The following SLCO6A1 variants were observed in gnomAD, a reference collection of about 807,000 sequenced individuals.
SLCO6A1 encodes solute carrier organic anion transporter family member 6A1, also known as cancer/testis antigen 48.
Under a neutral mutation model 72.7 loss-of-function variants are expected in SLCO6A1, and 65 were observed. The observed-to-expected ratio is 0.89, with a 90% CI of 0.73 to 1.10. SLCO6A1 has a LOEUF of 1.10. Among genes scored for constraint, SLCO6A1 ranks in the 50% least tolerant of loss-of-function variants. SLCO6A1 has a pLI of 0.00. For synonymous variants in SLCO6A1, 314 were observed against 298.2 expected (o/e 1.05, Z -0.55); for missense variants, 874 against 872.6 (o/e 1.00, Z -0.02).
At chr5:102,423,677 C>T (rs1436823318) in intron 7 of SLCO6A1, among the ~76,000 whole-genome samples, 2 of 152,014 alleles carry the variant, frequency 1.3e-5, no homozygotes, top group Non-Finnish European at 2.9e-5. Flanking sequence ...AATAGTGGGA[C>T]ACTTTAACAC....
chr5:102,433,864 A>G (rs1749355376), intron 7 of SLCO6A1, among the ~76,000 whole-genome samples: 1 of 152,112 alleles, frequency 6.6e-6, no homozygotes, highest in African/African-American at 2.4e-5. Context: ...AGGAAAAAAG[A>G]CATTCCAGCT....
At chr5:102,460,313 T>C (rs1750959008) in intron 4 of SLCO6A1, among the ~76,000 whole-genome samples, 1 of 152,154 alleles carries the variant, frequency 6.6e-6, no homozygotes, top group Non-Finnish European at 1.5e-5. Context: ...CTAGTTATTA[T>C]TCCAAATCAC....
At chr5:102,465,361 G>A (rs754081298) in intron 4 of SLCO6A1, among the ~76,000 whole-genome samples, 3 of 151,766 alleles carry the variant, frequency 2.0e-5, no homozygotes, top group East Asian at 1.9e-4. Flanking sequence ...TACACTGTCC[G>A]CCAGAGTTCT....
At chr5:102,414,814 G>A (rs1336785458) in intron 8 of SLCO6A1, among the ~76,000 whole-genome samples, 4 of 152,232 alleles carry the variant, frequency 2.6e-5, no homozygotes, top group Non-Finnish European at 5.9e-5. Flanking sequence ...AGAATTGCTT[G>A]AACCAGGGAA....
intron 3 of SLCO6A1, among the ~76,000 whole-genome samples, chr5:102,476,831 C>T (rs1751924497): frequency 6.6e-6 from 1 of 151,990 alleles, no homozygotes; most frequent in South Asian, 2.1e-4. Flanking sequence ...TGTGTCAATA[C>T]ACCTTCGCAA....
rs1249019676 is a variant in SLCO6A1 at position 102,443,026 on chromosome 5, T to C, written c.1132-4265A>G. 4.6e-5 allele frequency among the ~76,000 whole-genome samples: 7 copies of C among 152,096 alleles called. No individual in the cohort carries two copies. The East Asian group carries it at 1.4e-3, about 29-fold the overall frequency. On this transcript the variant is annotated intron_variant, in intron 6 of 13. Transcript: ENST00000506729. ...TTCTGGCTAACATGGTGAAACCCTA[T>C]CTCTACTAAAAACACAAAAAATTAG...
rs753944769 is a variant in SLCO6A1 at position 102,458,442 on chromosome 5, G to C, written c.1071C>G (p.Asp357Glu). The C allele has an allele frequency of 1.2e-6, 2 of 1,612,876 alleles. No individual in the cohort carries two copies. Among genetic ancestry groups the C allele is most frequent in the Non-Finnish European group, 1.7e-6 (2 of 1,179,400 alleles). The stretch of plus-strand genomic sequence containing the variant: ...CAAGTTTCAGATCTTTAAGTCTGCT[G>C]TCAAAAAAATGAAGCTGTTTACGTT... Reference protein sequence around the residue: ...ARKRKQLHFFDSRLKDLKLGT... With the variant: ...ARKRKQLHFFESRLKDLKLGT... The change falls in exon 6 of 14, where the codon GAC (aspartate) becomes GAG (glutamate). Residue 357 changes from aspartate (D) to glutamate (E), a missense_variant. Transcript: ENST00000506729.
chr5:102,459,630 T>C, intron 5 of SLCO6A1, 26 bp downstream of exon 5: 1 of 1,564,078 alleles, frequency 6.4e-7, no homozygotes, highest in Non-Finnish European at 8.6e-7. Context: ...TATCCTCCAA[T>C]TTAATAAATT....
At chr5:102,457,221 G>T (rs1750770454) in intron 6 of SLCO6A1, among the ~76,000 whole-genome samples, 1 of 152,120 alleles carries the variant, frequency 6.6e-6, no homozygotes, top group Non-Finnish European at 1.5e-5. Context: ...AGCACGAAAA[G>T]CAATGGCAAC....
At chr5:102,495,362 G>A (rs934012685) in intron 1 of SLCO6A1, among the ~76,000 whole-genome samples, 30 of 152,190 alleles carry the variant, frequency 2.0e-4, no homozygotes, top group African/African-American at 6.0e-4. Context: ...GGGAGGCCGC[G>A]GTGGGCGGAT....
rs188872526 is a variant in SLCO6A1, at chr5:102,493,105, A to G, written c.358+5382T>C. Among the ~76,000 whole-genome samples the G allele has an allele frequency of 1.9e-3, 290 of 152,342 alleles. 3 individuals carry two copies. Among genetic ancestry groups the G allele is most frequent in the African/African-American group, 6.7e-3 (280 of 41,582 alleles). On this transcript the variant is annotated intron_variant, in intron 1 of 13. Coordinates refer to ENST00000506729, the MANE Select transcript of SLCO6A1 (RefSeq NM_173488.5). ...CACAAAGGGTACATAATGCTGCACA[A>G]ACTCTTTCAGAAAAAATGAGGAGGA... is the stretch of plus-strand genomic sequence containing the variant.
intron 4 of SLCO6A1, among the ~76,000 whole-genome samples, chr5:102,470,901 G>A (rs1351173313): frequency 6.6e-6 from 1 of 152,026 alleles, no homozygotes; most frequent in Non-Finnish European, 1.5e-5. Flanking sequence ...AAGGTCCTTG[G>A]TTGTAGTTTT....
rs564734627 is a variant in SLCO6A1, at chr5:102,374,244, G to A, written c.2018-750C>T. ...CTCTCTCAAACTTGTGAGCTCAGGC[G>A]ATCTCCTTGCCTTCAAATCCCAAAG... is the stretch of plus-strand genomic sequence containing the variant. On this transcript the variant is annotated intron_variant, in intron 12 of 13. Transcript: ENST00000506729. Among the ~76,000 whole-genome samples the A allele has an allele frequency of 8.5e-5, 13 of 152,118 alleles. No individual in the cohort carries two copies. The East Asian group carries it at 2.1e-3, about 25-fold the overall frequency.
rs573385282 is a variant in SLCO6A1, at chr5:102,485,211, A to G, written c.359-4777T>C. Among the ~76,000 whole-genome samples, 20 of 152,156 alleles carry G rather than the reference A, an allele frequency of 1.3e-4. No individual in the cohort carries two copies. The South Asian group carries it at 4.1e-3, about 32-fold the overall frequency. ...GGTTGTGGTGAGCTGAGATTGCACC[A>G]TTGCATTCCAGTCTGGGCAACAAGA... On this transcript the variant is annotated intron_variant, in intron 1 of 13. Coordinates refer to ENST00000506729, the MANE Select transcript of SLCO6A1 (RefSeq NM_173488.5).
intron 12 of SLCO6A1, among the ~76,000 whole-genome samples, chr5:102,379,081 C>T (rs1479233581): frequency 6.6e-6 from 1 of 152,040 alleles, no homozygotes; most frequent in East Asian, 1.9e-4. Context: ...GCACCCAGTC[C>T]TTCAATTGTT....
intron 9 of SLCO6A1, among the ~76,000 whole-genome samples, chr5:102,410,352 C>A (rs1667261152): frequency 6.6e-6 from 1 of 152,110 alleles, no homozygotes; most frequent in African/African-American, 2.4e-5. Context: ...CTGGCTGATC[C>A]CAGGGCTTTT....
At position 102,477,680 on chromosome 5, in the gene SLCO6A1, A is replaced by G; in HGVS notation, c.798T>C (p.Tyr266=). 1 of 1,610,662 alleles carries G rather than the reference A, an allele frequency of 6.2e-7. No homozygotes were observed. Among genetic ancestry groups the G allele is most frequent in the Non-Finnish European group, 8.5e-7 (1 of 1,178,774 alleles). The part of the protein sequence containing the change: ...ENVATHSAGI[Y]LGIAECTSMI... ...AATAGAGGGGGTAAAACTTGCCTAA[A>G]TAGATACCAGCTGAGTGTGTAGCAA... Residue 266 remains tyrosine (Y), a synonymous_variant, in exon 3 of 14, where the codon TAT becomes TAC. Coordinates refer to ENST00000506729, the MANE Select transcript of SLCO6A1 (RefSeq NM_173488.5).
At chr5:102,406,233 A>G (rs893289264) in intron 9 of SLCO6A1, among the ~76,000 whole-genome samples, 2 of 152,122 alleles carry the variant, frequency 1.3e-5, no homozygotes, top group Non-Finnish European at 2.9e-5. Context: ...TGGCTACAGG[A>G]GACAGTCTAA....
At chr5:102,495,171 T>C (rs1185867049) in intron 1 of SLCO6A1, among the ~76,000 whole-genome samples, 1 of 152,210 alleles carries the variant, frequency 6.6e-6, no homozygotes, top group Non-Finnish European at 1.5e-5. Context: ...TCCATGTTTA[T>C]TAAATTCTAG....
Sources: allele counts gnomAD v4.1 joint callset (sites outside exome capture counted in the v4.1 genomes callset), GRCh38; gene constraint gnomAD v4.1.1; transcripts MANE v1.5; gene names NCBI Gene and HGNC (gene_info 2026-07-23, HGNC 2026-07-21).